The following IPO8 variants were observed in gnomAD, a reference collection of about 807,000 sequenced individuals.
The protein encoded by IPO8 is importin 8, also known as importin-8.
IPO8 carries 65 observed loss-of-function variants against 141.2 expected under a neutral mutation model. That is an observed-to-expected ratio of 0.46 (90% CI 0.38 to 0.57). IPO8 has a LOEUF of 0.57. IPO8 is among the 20% of genes least tolerant of loss of function. The pLI is 0.00. For synonymous variants in IPO8, 411 were observed against 420.3 expected (o/e 0.98, Z 0.27); for missense variants, 980 against 1,246.8 (o/e 0.79, Z 3.22).
At chr12:30,687,866 A>G (rs552344145) in intron 2 of IPO8, among the ~76,000 whole-genome samples, 1 of 152,304 alleles carries the variant, frequency 6.6e-6, no homozygotes, top group South Asian at 2.1e-4. Context: ...TCCTTTGGAA[A>G]TACAAACAAA....
rs191273607 is a variant in IPO8 at position 30,662,539 on chromosome 12, A to G, written c.1595-52T>C. 15 of 1,417,590 alleles carry G rather than the reference A, an allele frequency of 1.1e-5. No homozygotes were observed. The Admixed American group carries it at 2.5e-4, about 24-fold the overall frequency. The allele number at this position is 1,417,590 out of a possible 1,614,324, so 87.8% of individuals were successfully genotyped here. On this transcript the variant is annotated intron_variant, in intron 14 of 24. Transcript: ENST00000256079. ...ATAAAAATTACCATGCCCAGATGAT[A>G]AAAGGAATTAACTTGGTCACAAGGT...
chr12:30,659,859 C>CAAA (rs71049460), intron 16 of IPO8, among the ~76,000 whole-genome samples: 2 of 94,008 alleles, frequency 2.1e-5, no homozygotes, highest in African/African-American at 8.9e-5. Flanking sequence ...TGTCTCAAAA[C>CAAA]AAAAAAAAAA....
intron 2 of IPO8, among the ~76,000 whole-genome samples, chr12:30,688,146 G>A (rs2053260281): frequency 6.6e-6 from 1 of 152,076 alleles, no homozygotes; most frequent in Non-Finnish European, 1.5e-5. Flanking sequence ...AAACAAAAGT[G>A]ATTTGAAATT....
At position 30,695,869 on chromosome 12, in the gene IPO8, C is replaced by T. The variant is rs2053336142; in HGVS notation, c.-222G>A. 1 of 486,550 alleles carries T rather than the reference C, an allele frequency of 2.1e-6. No homozygotes were observed. Among genetic ancestry groups the T allele is most frequent in the Non-Finnish European group, 3.7e-6 (1 of 271,808 alleles). The allele number at this position is 486,550 out of a possible 1,614,324, so 30.1% of individuals were successfully genotyped here. A position where few individuals can be genotyped will look rare whatever the true frequency, so the allele number is the denominator to read the frequency against. ...AACTCGCTCTCCATTCACCGTTTTA[C>T]GACAGCCGGTGGGAGGCGGGAGAAG... On this transcript the variant is annotated 5_prime_UTR_variant, in exon 1 of 25. Transcript: ENST00000256079. The surrounding 1 kb of genome is among the most constrained non-coding windows in gnomAD (Gnocchi z 4.2).
In IPO8 at chr12:30,644,435, A is replaced by ATGT. The variant is rs1555113712; in HGVS notation, c.2268+4701_2269-4700insACA. On this transcript the variant is annotated intron_variant, in intron 20 of 24. Coordinates refer to ENST00000256079, the MANE Select transcript of IPO8 (RefSeq NM_006390.4). ...TTTATGATTTTTTAGAAAGGTCATA[A>ATGT]TTTTTTTGTCACTAATACCCCAATA... is the stretch of plus-strand genomic sequence containing the variant. Among the ~76,000 whole-genome samples the ATGT allele has an allele frequency of 9.3e-5, 14 of 150,878 alleles. 1 individual carries two copies. The South Asian group carries it at 2.9e-3, about 31-fold the overall frequency.
At chr12:30,673,789 C>G (rs1565506274) in intron 8 of IPO8, among the ~76,000 whole-genome samples, 1 of 152,070 alleles carries the variant, frequency 6.6e-6, no homozygotes, top group Non-Finnish European at 1.5e-5. Flanking sequence ...GTGGCTGTCT[C>G]GGGACATTTG....
chr12:30,634,387 G>A (rs1279088408), intron 22 of IPO8, 101 bp from the exon 23 acceptor site: 37 of 850,372 alleles, frequency 4.4e-5, no homozygotes, highest in Middle Eastern at 2.5e-4. Flanking sequence ...ACTCTGGAAA[G>A]GAAAAAATCT....
chr12:30,668,348 G>A (rs768994681), intron 10 of IPO8, among the ~76,000 whole-genome samples: 11 of 152,104 alleles, frequency 7.2e-5, no homozygotes, highest in Non-Finnish European at 1.3e-4. Flanking sequence ...TTTAGCTTAC[G>A]TAGCTAGACA....
chr12:30,682,248 C>T (rs2053196435), intron 3 of IPO8, among the ~76,000 whole-genome samples: 1 of 152,036 alleles, frequency 6.6e-6, no homozygotes, highest in South Asian at 2.1e-4. Flanking sequence ...ACAAAGAAGG[C>T]CTACATAATG....
chr12:30,639,121 G>A (rs952060564), intron 21 of IPO8, among the ~76,000 whole-genome samples: 1 of 152,134 alleles, frequency 6.6e-6, no homozygotes, highest in African/African-American at 2.4e-5. Flanking sequence ...TAAACATTCT[G>A]TGACATTACA....
chr12:30,677,585 T>C (rs2053138928), intron 5 of IPO8, among the ~76,000 whole-genome samples: 1 of 152,040 alleles, frequency 6.6e-6, no homozygotes, highest in Non-Finnish European at 1.5e-5. Context: ...CCATGCATGT[T>C]ATTGCCCCTG....
Position 30,674,059 on chromosome 12 carries a change from T to G in IPO8, c.840A>C (p.Gly280=), listed in dbSNP as rs1242688217. The G allele has an allele frequency of 6.3e-7, 1 of 1,581,100 alleles. No individual in the cohort carries two copies. The highest frequency in any genetic ancestry group is 8.7e-7 in the Non-Finnish European group (1 of 1,155,468). Residue 280 remains glycine (G), a synonymous_variant, in exon 8 of 25, where the codon GGA becomes GGC. Coordinates refer to ENST00000256079, the MANE Select transcript of IPO8 (RefSeq NM_006390.4). ...ARLFERYGSP[G]NVTKEYFEFS... ...ATTCAAAGTATTCTTTTGTGACATT[T>G]CCTGGGCTTCCATATCTTAAAATAC...
At chr12:30,694,970 C>T (rs2136180255) in intron 1 of IPO8, 1 of 455,854 alleles carries the variant, frequency 2.2e-6, no homozygotes, top group South Asian at 1.5e-5. Flanking sequence ...TTCTCCAACA[C>T]ATCTTACTTT....
At chr12:30,668,231 T>C (rs763567166) in intron 10 of IPO8, among the ~76,000 whole-genome samples, 1 of 152,232 alleles carries the variant, frequency 6.6e-6, no homozygotes, top group Non-Finnish European at 1.5e-5. Flanking sequence ...GCTTTTCTGA[T>C]ACTTTGTCTC....
In IPO8 at chr12:30,629,709, G is replaced by T. The variant is rs973122068; in HGVS notation, c.*1151C>A. The T allele has an allele frequency of 1.3e-5, 2 of 152,018 alleles. No homozygotes were observed. The highest frequency in any genetic ancestry group is 4.8e-5 in the African/African-American group (2 of 41,370). The allele number at this position is 152,018 out of a possible 1,614,324, so 9.4% of individuals were successfully genotyped here. ...ATCTCCATATGCAATATTTCCTATA[G>T]GCAACCTAAAAGTGCAGCTGCCCCA... On this transcript the variant is annotated 3_prime_UTR_variant, in exon 25 of 25. Transcript: ENST00000256079.
intron 14 of IPO8, 85 bp downstream of exon 14, chr12:30,663,404 C>T: frequency 8.5e-7 from 1 of 1,175,212 alleles, no homozygotes; most frequent in Non-Finnish European, 1.2e-6. Flanking sequence ...AACCCTGAAC[C>T]CTCAGACATG....
intron 16 of IPO8, 125 bp from the exon 17 acceptor site, chr12:30,656,875 G>A (rs905238722): frequency 6.4e-5 from 29 of 450,780 alleles, no homozygotes; most frequent in African/African-American, 4.7e-4. Flanking sequence ...TAAACTTCAT[G>A]TGAAAAACTA....
Position 30,662,313 on chromosome 12 carries a change from C to G in IPO8, c.1755+14G>C. ...GTTTCTAAACCAAATTAACATAAAA[C>G]TGCCCGGTCTTACCAAGTGTTGGGT... On this transcript the variant is annotated intron_variant, in intron 15 of 24. Coordinates refer to ENST00000256079, the MANE Select transcript of IPO8 (RefSeq NM_006390.4). 1.2e-6 allele frequency: 2 copies of G among 1,600,584 alleles called. No individual in the cohort carries two copies. The highest frequency in any genetic ancestry group is 2.2e-5 in the South Asian group (2 of 89,144).
chr12:30,645,750 A>G (rs2052636613), intron 20 of IPO8, among the ~76,000 whole-genome samples: 1 of 152,180 alleles, frequency 6.6e-6, no homozygotes, highest in African/African-American at 2.4e-5. Flanking sequence ...AATTAGATAA[A>G]TTACGTTGAA....
Sources: allele counts gnomAD v4.1 joint callset (sites outside exome capture counted in the v4.1 genomes callset), GRCh38; gene constraint gnomAD v4.1.1; non-coding constraint Gnocchi (gnomAD v3.1); transcripts MANE v1.5; gene names NCBI Gene and HGNC (gene_info 2026-07-23, HGNC 2026-07-21).